SNX29: variants seen among roughly 807,000 people sequenced by gnomAD.
The protein encoded by SNX29 is sorting nexin-29.
SNX29 carries 78 observed loss-of-function variants against 102.1 expected under a neutral mutation model. The observed-to-expected ratio is 0.76, with a 90% confidence interval of 0.64 to 0.92. The LOEUF is 0.92. Among genes scored for constraint, SNX29 ranks in the 40% least tolerant of loss-of-function variants. The pLI, the probability that SNX29 is intolerant of heterozygous loss-of-function variation, is 0.00. For synonymous variants in SNX29, 580 were observed against 414.5 expected (o/e 1.40, Z -4.85); for missense variants, 1,280 against 1,061.7 (o/e 1.21, Z -2.86).
At chr16:12,003,330 G>C (rs2056353930) in intron 3 of SNX29, among the ~76,000 whole-genome samples, 2 of 152,154 alleles carry the variant, frequency 1.3e-5, no homozygotes, top group Non-Finnish European at 2.9e-5. Flanking sequence ...GTTATTTTCA[G>C]GGTAATTAAT....
intron 3 of SNX29, among the ~76,000 whole-genome samples, chr16:12,017,120 C>A (rs979955798): frequency 2.0e-5 from 3 of 152,138 alleles, no homozygotes; most frequent in Non-Finnish European, 4.4e-5. Context: ...CAGAATGAGA[C>A]CCTATCTCAA....
chr16:12,336,915 C>G (rs950532730), intron 15 of SNX29, among the ~76,000 whole-genome samples: 18 of 152,282 alleles, frequency 1.2e-4, no homozygotes, highest in African/African-American at 4.3e-4. Flanking sequence ...CACCATACTC[C>G]AGCTTGGGCA....
At chr16:12,085,694 C>T (rs1453327861) in intron 11 of SNX29, among the ~76,000 whole-genome samples, 1 of 147,266 alleles carries the variant, frequency 6.8e-6, no homozygotes, top group African/African-American at 2.5e-5. Flanking sequence ...AATAATCTAT[C>T]AAAATAGAAG....
intron 15 of SNX29, among the ~76,000 whole-genome samples, chr16:12,336,501 C>A (rs1257385692): frequency 1.3e-5 from 2 of 152,180 alleles, no homozygotes; most frequent in African/African-American, 2.4e-5. Context: ...TTTTTCCCCT[C>A]AGAGAAAAGA....
At chr16:12,457,678 G>T (rs895910759) in intron 18 of SNX29, among the ~76,000 whole-genome samples, 7 of 152,264 alleles carry the variant, frequency 4.6e-5, no homozygotes, top group African/African-American at 1.7e-4. Flanking sequence ...AGGCAAAATG[G>T]CACACGTTAG....
chr16:12,400,093 C>A (rs1420577588), intron 17 of SNX29, among the ~76,000 whole-genome samples: 1 of 152,152 alleles, frequency 6.6e-6, no homozygotes, highest in African/African-American at 2.4e-5. Flanking sequence ...ATTGTCTCTC[C>A]CCAGAGATTT....
At chr16:12,465,232 C>G (rs920144430) in intron 18 of SNX29, among the ~76,000 whole-genome samples, 3 of 152,140 alleles carry the variant, frequency 2.0e-5, no homozygotes, top group Non-Finnish European at 4.4e-5. Flanking sequence ...TGTAGTCCAA[C>G]TTATTTTGTT....
chr16:12,062,731 C>A (rs1425369330), intron 9 of SNX29, among the ~76,000 whole-genome samples: 3 of 152,174 alleles, frequency 2.0e-5, no homozygotes, highest in South Asian at 4.1e-4. Flanking sequence ...GACTGGAGCC[C>A]ACTAATCACT....
chr16:12,360,329 C>CT (rs1339886284), intron 16 of SNX29, among the ~76,000 whole-genome samples: 30 of 152,218 alleles, frequency 2.0e-4, no homozygotes, highest in Admixed American at 1.6e-3. Flanking sequence ...TTTCCCTTGT[C>CT]TTTTTTGTCA....
Position 12,290,199 on chromosome 16 carries a change from T to A in SNX29, c.1782+12163T>A, listed in dbSNP as rs115562616. 2.3e-3 allele frequency among the ~76,000 whole-genome samples: 356 copies of A among 152,308 alleles called. 2 individuals are homozygous for A. Among genetic ancestry groups the A allele is most frequent in the African/African-American group, 7.8e-3 (325 of 41,554 alleles). ...ACATGTTCACATGTTAAAGTAAGCC[T>A]TTTTGCTATACTCTTGCCTTCCTCT... On this transcript the variant is annotated intron_variant, in intron 15 of 20. Coordinates refer to ENST00000566228, the MANE Select transcript of SNX29 (RefSeq NM_032167.5).
At chr16:12,307,875 C>A (rs904432405) in intron 15 of SNX29, among the ~76,000 whole-genome samples, 2 of 152,228 alleles carry the variant, frequency 1.3e-5, no homozygotes, top group African/African-American at 4.8e-5. Flanking sequence ...TGACCCTGAC[C>A]TTCTGAACTC....
intron 3 of SNX29, among the ~76,000 whole-genome samples, chr16:12,012,183 T>C (rs1337861369): frequency 6.6e-6 from 1 of 152,070 alleles, no homozygotes; most frequent in African/African-American, 2.4e-5. Context: ...GTAATAAATA[T>C]TAGTTGTCAT....
At chr16:12,187,867 TA>T (rs2076549389) in intron 13 of SNX29, among the ~76,000 whole-genome samples, 1 of 152,038 alleles carries the variant, frequency 6.6e-6, no homozygotes, top group South Asian at 2.1e-4. Context: ...TCCCATTATT[TA>T]GGGAAATCCT....
At chr16:12,540,764 C>T (rs140858769) in intron 20 of SNX29, among the ~76,000 whole-genome samples, 2 of 152,332 alleles carry the variant, frequency 1.3e-5, no homozygotes, top group African/African-American at 4.8e-5. Flanking sequence ...TTACCGCCAC[C>T]TCCCCTAGAG....
chr16:12,170,657 A>G (rs2076127071), intron 13 of SNX29, among the ~76,000 whole-genome samples: 1 of 151,998 alleles, frequency 6.6e-6, no homozygotes, highest in Non-Finnish European at 1.5e-5. Flanking sequence ...GGAGGGCGAC[A>G]GCCAGGATTC....
intron 18 of SNX29, among the ~76,000 whole-genome samples, chr16:12,419,565 C>G (rs892860475): frequency 1.4e-4 from 21 of 150,952 alleles, no homozygotes; most frequent in Admixed American, 6.6e-4. Context: ...AGACTCAGCC[C>G]CCCCCCCCAT....
Position 12,265,468 on chromosome 16 carries a change from G to A in SNX29, c.1679-12465G>A, listed in dbSNP as rs192382811. Among the ~76,000 whole-genome samples, 112 of 152,210 alleles carry A rather than the reference G, an allele frequency of 7.4e-4. No homozygotes were observed. In the East Asian group the frequency reaches 0.018, roughly 24 times the overall value. Reference sequence around the variant, plus strand: ...GACGCAGCTTCGAAACAGGTGAGCAGATTTCTTAGGAAAGACACATGAGAC... The same window carrying A: ...GACGCAGCTTCGAAACAGGTGAGCAAATTTCTTAGGAAAGACACATGAGAC... On this transcript the variant is annotated intron_variant, in intron 14 of 20. Transcript: ENST00000566228.
intron 18 of SNX29, among the ~76,000 whole-genome samples, chr16:12,469,997 G>A (rs1215018908): frequency 6.6e-6 from 1 of 152,108 alleles, no homozygotes; most frequent in African/African-American, 2.4e-5. Context: ...TGGGCAACAA[G>A]GGCAAAACTC....
intron 15 of SNX29, among the ~76,000 whole-genome samples, chr16:12,315,243 ATTG>A (rs1298936653): frequency 2.6e-5 from 4 of 152,134 alleles, no homozygotes; most frequent in Non-Finnish European, 4.4e-5. Context: ...GCAGAAAATT[ATTG>A]TTGTTGTGAT....
Sources: gnomAD v4.1 joint callset for allele counts (sites outside exome capture counted in the v4.1 genomes callset) on GRCh38, gnomAD v4.1.1 for gene constraint, MANE v1.5 for transcripts, NCBI Gene and HGNC (gene_info 2026-07-23, HGNC 2026-07-21) for gene names.